Variants in CPT1A observed in about 807,000 individuals in gnomAD.
The protein encoded by CPT1A is carnitine palmitoyltransferase 1A.
Under a neutral mutation model 100.8 loss-of-function variants are expected in CPT1A, and 64 were observed. The observed-to-expected ratio is 0.63, with a 90% confidence interval of 0.52 to 0.78. The LOEUF (loss-of-function observed/expected upper bound fraction) is 0.78. Ranked by LOEUF, CPT1A falls within the 30% of genes least tolerant of loss-of-function variation. The probability of loss-of-function intolerance (pLI) is 0.00; values close to 1 mark genes in which losing one functional copy is unlikely to be tolerated. For synonymous variants in CPT1A, 363 were observed against 396.0 expected (o/e 0.92, Z 0.99); for missense variants, 802 against 1,034.1 (o/e 0.78, Z 3.08).
intron 10 of CPT1A, 144 bp from the exon 11 acceptor site, chr11:68,782,103 C>A (rs1419272214): frequency 1.3e-6 from 1 of 794,858 alleles, no homozygotes; most frequent in Non-Finnish European, 2.1e-6. Flanking sequence ...CCATCTGAGA[C>A]TGTTTGCTGG....
chr11:68,780,038 C>T (rs968302643), intron 12 of CPT1A, among the ~76,000 whole-genome samples: 4 of 152,156 alleles, frequency 2.6e-5, no homozygotes, highest in African/African-American at 9.6e-5. Flanking sequence ...CAGGAAAAAC[C>T]GAGCTTCACT....
intron 14 of CPT1A, among the ~76,000 whole-genome samples, chr11:68,770,237 GC>G (rs1854950044): frequency 6.6e-6 from 1 of 152,088 alleles, no homozygotes; most frequent in African/African-American, 2.4e-5. Context: ...GGAAGGTGGG[GC>G]CCCAGATTCT....
chr11:68,843,329 G>A (rs970527768), upstream of CPT1A, among the ~76,000 whole-genome samples: 2 of 151,408 alleles, frequency 1.3e-5, no homozygotes, highest in Non-Finnish European at 2.9e-5. This position sits in a 1 kb window ranked among gnomAD's most constrained non-coding sequence, Gnocchi z 4.0. Flanking sequence ...ATCCATTTAC[G>A]CGGCCCCCAT....
At chr11:68,762,816 CG>C in intron 14 of CPT1A, 55 bp from the exon 15 acceptor site, 3 of 1,608,520 alleles carry the variant, frequency 1.9e-6, no homozygotes, top group Non-Finnish European at 2.6e-6. Context: ...ATGTCTAAAA[CG>C]TAAGGAAGGA....
chr11:68,798,905 T>C (rs1594349233), intron 6 of CPT1A, among the ~76,000 whole-genome samples: 1 of 152,158 alleles, frequency 6.6e-6, no homozygotes, highest in African/African-American at 2.4e-5. Context: ...CTCATGCCTA[T>C]GATCCCAGCA....
intron 11 of CPT1A, 126 bp downstream of exon 11, chr11:68,781,645 A>C: frequency 1.1e-6 from 1 of 894,190 alleles, no homozygotes; most frequent in Non-Finnish European, 1.9e-6. Context: ...ATAAAACTGA[A>C]GGTTATATTT....
intron 16 of CPT1A, among the ~76,000 whole-genome samples, chr11:68,761,184 CAATAAT>C (rs1314872215): frequency 6.6e-6 from 1 of 150,772 alleles, no homozygotes; most frequent in Non-Finnish European, 1.5e-5. Context: ...TCTCAAAAAA[CAATAAT>C]AATATATTTC....
intron 9 of CPT1A, among the ~76,000 whole-genome samples, chr11:68,790,352 T>A (rs1222336350): frequency 6.6e-6 from 1 of 152,224 alleles, no homozygotes; most frequent in Non-Finnish European, 1.5e-5. Context: ...ATTACAGGCA[T>A]GAGCCACCAC....
chr11:68,782,978 G>A (rs574129227), intron 10 of CPT1A, among the ~76,000 whole-genome samples: 1 of 152,306 alleles, frequency 6.6e-6, no homozygotes, highest in Admixed American at 6.5e-5. Context: ...CGCCGGCTCA[G>A]GCTCCCCACG....
At chr11:68,779,598 C>A (rs113360154) in intron 12 of CPT1A, among the ~76,000 whole-genome samples, 1 of 150,792 alleles carries the variant, frequency 6.6e-6, no homozygotes, top group East Asian at 1.9e-4. Flanking sequence ...GAGTTCAAGA[C>A]CAGCCTGGGC....
At chr11:68,764,078 G>T (rs1035722930) in intron 14 of CPT1A, among the ~76,000 whole-genome samples, 6 of 152,200 alleles carry the variant, frequency 3.9e-5, no homozygotes, top group Non-Finnish European at 8.8e-5. Context: ...CCCTGAGGCT[G>T]AGCCTTGGTG....
intron 1 of CPT1A, among the ~76,000 whole-genome samples, chr11:68,826,824 G>A (rs1856745945): frequency 1.3e-5 from 2 of 152,016 alleles, no homozygotes; most frequent in South Asian, 2.1e-4. Flanking sequence ...AAAGTAAATC[G>A]GGTCTGCGGC....
At chr11:68,830,378 G>A (rs570819019) in intron 1 of CPT1A, among the ~76,000 whole-genome samples, 5 of 152,260 alleles carry the variant, frequency 3.3e-5, no homozygotes, top group Admixed American at 6.5e-5. Context: ...CTCCTTGCCC[G>A]GAGCACACGG....
chr11:68,781,552 G>A (rs996701170), intron 11 of CPT1A, among the ~76,000 whole-genome samples: 4 of 152,134 alleles, frequency 2.6e-5, no homozygotes, highest in African/African-American at 9.7e-5. Flanking sequence ...CCTGGGAGGT[G>A]GAGGTTGCAG....
At position 68,761,618 on chromosome 11, in the gene CPT1A, T is replaced by C. The variant is rs754141480; in HGVS notation, c.1945A>G (p.Thr649Ala). 6.2e-7 allele frequency: 1 copy of C among 1,614,092 alleles called. No homozygotes were observed. The highest frequency in any genetic ancestry group is 8.5e-7 in the Non-Finnish European group (1 of 1,180,020). Residue 649 changes from threonine to alanine, a missense_variant, in exon 16 of 19, where the codon ACC (threonine) becomes GCC (alanine). This residue lies in a region of CPT1A where 627 missense variants were observed against 799.3 expected (regional missense o/e 0.78). Transcript: ENST00000265641. ...KHQHMYRLAM[T>A]GSGIDRHLFC... ...AGGTGACGATCGATCCCAGAGCCGG[T>C]CATGGCGAGGCGATACATATGCTGA...
At chr11:68,811,484 G>A (rs879536117) in intron 3 of CPT1A, among the ~76,000 whole-genome samples, 3 of 152,060 alleles carry the variant, frequency 2.0e-5, no homozygotes, top group Non-Finnish European at 4.4e-5. Flanking sequence ...CTGTCTGGAC[G>A]TTCAAATGGT....
At chr11:68,817,952 G>A (rs936711555) in intron 1 of CPT1A, among the ~76,000 whole-genome samples, 2 of 152,092 alleles carry the variant, frequency 1.3e-5, no homozygotes, top group African/African-American at 4.8e-5. Flanking sequence ...GGAGAGGAAG[G>A]CAGAGGCAGC....
At chr11:68,795,132 C>T (rs1029636488) in intron 7 of CPT1A, among the ~76,000 whole-genome samples, 2 of 152,136 alleles carry the variant, frequency 1.3e-5, no homozygotes, top group East Asian at 1.9e-4. Context: ...AAAACTTCTG[C>T]GCTATTAAAG....
intron 5 of CPT1A, among the ~76,000 whole-genome samples, chr11:68,801,181 C>T (rs1376981055): frequency 6.6e-6 from 1 of 152,112 alleles, no homozygotes; most frequent in Non-Finnish European, 1.5e-5. Context: ...GTGAATGAGA[C>T]AGAAAATCAT....
Sources: gnomAD v4.1 joint callset for allele counts (sites outside exome capture counted in the v4.1 genomes callset) on GRCh38, gnomAD v4.1.1 for gene constraint, gnomAD v4.1.1 regional missense constraint, Gnocchi (gnomAD v3.1) non-coding constraint, MANE v1.5 for transcripts, NCBI Gene and HGNC (gene_info 2026-07-23, HGNC 2026-07-21) for gene names.